SLC44A5: variants seen among roughly 807,000 people sequenced by gnomAD.
SLC44A5 encodes the protein choline transporter-like protein 5.
A neutral mutation model predicts 101.8 loss-of-function variants in SLC44A5; 57 were observed. That is an observed-to-expected ratio of 0.56 (90% CI 0.45 to 0.70). The LOEUF is 0.70. SLC44A5 is among the 30% of genes least tolerant of loss of function. The pLI is 0.00. For synonymous variants in SLC44A5, 281 were observed against 290.9 expected (o/e 0.97, Z 0.35); for missense variants, 737 against 853.1 (o/e 0.86, Z 1.70).
At chr1:75,417,841 A>G (rs1253611948) in intron 2 of SLC44A5, among the ~76,000 whole-genome samples, 1 of 152,262 alleles carries the variant, frequency 6.6e-6, no homozygotes, top group Non-Finnish European at 1.5e-5. Flanking sequence ...AAGGTTATGA[A>G]CCAACAAAGG....
At chr1:75,383,851 A>G (rs199507153) in intron 3 of SLC44A5, among the ~76,000 whole-genome samples, 5 of 152,178 alleles carry the variant, frequency 3.3e-5, no homozygotes, top group Admixed American at 6.5e-5. Flanking sequence ...GACTAACAGC[A>G]GATCTCTCAG....
Position 75,219,881 on chromosome 1 carries a change from T to C in SLC44A5, c.1097A>G (p.Tyr366Cys). The part of the protein sequence containing the change: ...LLKEGSKAIG[Y>C]VPSTLVYPAL... ...TGGATAGACTAATGTACTAGGAACA[T>C]ATCCAATGGCTCTGAAATAAAACAA... The change falls in exon 15 of 24, where the codon TAT (tyrosine) becomes TGT (cysteine). Residue 366 changes from tyrosine (Y) to cysteine (C), a missense_variant. Physicochemically the swap from Tyr to Cys is radical, Grantham distance 194. This residue lies in a region of SLC44A5 where 665 missense variants were observed against 764.4 expected (regional missense o/e 0.87). Coordinates refer to ENST00000370859, the MANE Select transcript of SLC44A5 (RefSeq NM_001130058.2). The C allele has an allele frequency of 6.2e-7, 1 of 1,604,150 alleles. No individual in the cohort carries two copies. The highest frequency in any genetic ancestry group is 2.2e-5 in the East Asian group (1 of 44,560).
At chr1:75,608,192 A>T (rs2102174863) in intron 1 of SLC44A5, among the ~76,000 whole-genome samples, 1 of 144,074 alleles carries the variant, frequency 6.9e-6, no homozygotes, top group South Asian at 2.2e-4. Flanking sequence ...AAACAAAACA[A>T]AACAAAAAAC....
chr1:75,629,115 A>G, the SLC44A5 span, among the ~76,000 whole-genome samples: 2 of 152,202 alleles, frequency 1.3e-5, no homozygotes, highest in Non-Finnish European at 2.9e-5. Context: ...GAAAATAATT[A>G]GGACAAGAGT....
At chr1:75,701,639 G>T in the SLC44A5 span, among the ~76,000 whole-genome samples, 3 of 152,172 alleles carry the variant, frequency 2.0e-5, no homozygotes, top group Non-Finnish European at 2.9e-5. Flanking sequence ...TCAACATAGT[G>T]TTGGAAGTTC....
At chr1:75,699,640 C>A in the SLC44A5 span, among the ~76,000 whole-genome samples, 1 of 149,834 alleles carries the variant, frequency 6.7e-6, no homozygotes, top group Non-Finnish European at 1.5e-5. Context: ...ATGACAGGAC[C>A]AAATTCACAC....
chr1:75,340,058 TAG>T (rs1296311513), intron 3 of SLC44A5, among the ~76,000 whole-genome samples: 3 of 152,202 alleles, frequency 2.0e-5, no homozygotes, highest in Non-Finnish European at 1.5e-5. Flanking sequence ...CTCAGTAGAT[TAG>T]AGTTTCCTTC....
At chr1:75,537,029 A>T (rs202062411) in intron 2 of SLC44A5, among the ~76,000 whole-genome samples, 571 of 24,964 alleles carry the variant, frequency 0.023, 58 homozygotes, top group Non-Finnish European at 0.081. Flanking sequence ...AAAAAAAAAA[A>T]AAAAATATAT....
chr1:75,559,297 T>A (rs1164758220), intron 1 of SLC44A5, among the ~76,000 whole-genome samples: 1 of 151,886 alleles, frequency 6.6e-6, no homozygotes, highest in African/African-American at 2.4e-5. Flanking sequence ...GGGTGTTAAA[T>A]GATTTACAGA....
intron 7 of SLC44A5, among the ~76,000 whole-genome samples, chr1:75,245,626 A>G (rs1290307378): frequency 2.0e-5 from 3 of 152,102 alleles, no homozygotes; most frequent in Non-Finnish European, 4.4e-5. Context: ...GACCATGATG[A>G]TTCTGTATTT....
chr1:75,659,499 AGGC>A, the SLC44A5 span, among the ~76,000 whole-genome samples: 1 of 46,300 alleles, frequency 2.2e-5, no homozygotes, highest in Non-Finnish European at 6.7e-5. Context: ...GAAGGCAGGC[AGGC>A]AGGCAGGCAG....
At chr1:75,476,000 T>C (rs1198298307) in intron 2 of SLC44A5, among the ~76,000 whole-genome samples, 3 of 152,142 alleles carry the variant, frequency 2.0e-5, no homozygotes, top group Non-Finnish European at 4.4e-5. Flanking sequence ...CTGACCAATA[T>C]GGTGAAGCTC....
At chr1:75,674,011 T>C in the SLC44A5 span, among the ~76,000 whole-genome samples, 32 of 152,058 alleles carry the variant, frequency 2.1e-4, 1 homozygote, top group East Asian at 5.4e-3. Flanking sequence ...CAGACACCAA[T>C]GAACATCTAA....
intron 2 of SLC44A5, among the ~76,000 whole-genome samples, chr1:75,437,524 C>T (rs987312175): frequency 6.6e-6 from 1 of 152,050 alleles, no homozygotes; most frequent in Non-Finnish European, 1.5e-5. Context: ...ATCCTGAATT[C>T]TGATGTCTGT....
chr1:75,272,885 G>T (rs1318279215), intron 6 of SLC44A5, among the ~76,000 whole-genome samples: 1 of 151,828 alleles, frequency 6.6e-6, no homozygotes, highest in South Asian at 2.1e-4. Context: ...TTTTTATTCC[G>T]TATGAATTTT....
At chr1:75,464,759 A>G (rs560399901) in intron 2 of SLC44A5, among the ~76,000 whole-genome samples, 1 of 152,326 alleles carries the variant, frequency 6.6e-6, no homozygotes, top group Non-Finnish European at 1.5e-5. Context: ...AATAGATTTC[A>G]AGACAAAAAC....
At chr1:75,520,591 T>A (rs1409941252) in intron 2 of SLC44A5, among the ~76,000 whole-genome samples, 1 of 151,732 alleles carries the variant, frequency 6.6e-6, no homozygotes, top group Non-Finnish European at 1.5e-5. Context: ...GAAAGGTGGG[T>A]AAGAAGGGAG....
rs374073983 is a variant in SLC44A5 at position 75,506,455 on chromosome 1, T to A, written c.13+34980A>T. On this transcript the variant is annotated intron_variant, in intron 2 of 23. Transcript: ENST00000370859. ...GCTTTGGGTAGTATTGCTATTTTAA[T>A]TATATTAATTTTTCCAATTGACGAG... is the stretch of plus-strand genomic sequence containing the variant. 2.8e-3 allele frequency among the ~76,000 whole-genome samples: 430 copies of A among 152,270 alleles called. 1 individual carries two copies. Among genetic ancestry groups the A allele is most frequent in the Middle Eastern group, 0.01 (3 of 294 alleles).
At chr1:75,518,399 G>A (rs755909189) in intron 2 of SLC44A5, among the ~76,000 whole-genome samples, 25 of 151,966 alleles carry the variant, frequency 1.6e-4, no homozygotes, top group Non-Finnish European at 2.9e-4. Flanking sequence ...TATACTACGA[G>A]CAGTCTGTAT....
Sources: gnomAD v4.1 joint callset for allele counts (sites outside exome capture counted in the v4.1 genomes callset) on GRCh38, gnomAD v4.1.1 for gene constraint, gnomAD v4.1.1 regional missense constraint, MANE v1.5 for transcripts, NCBI Gene and HGNC (gene_info 2026-07-23, HGNC 2026-07-21) for gene names.